ZNF622: variants seen among roughly 807,000 people sequenced by gnomAD.
ZNF622 encodes the protein cytoplasmic 60S subunit biogenesis factor ZNF622.
In ZNF622, 34 loss-of-function variants were observed where a neutral mutation model predicts 49.7. The ratio of observed to expected loss-of-function variants is 0.68; its 90% confidence interval spans 0.52 to 0.91. The LOEUF (loss-of-function observed/expected upper bound fraction) is 0.91. Among genes scored for constraint, ZNF622 ranks in the 40% least tolerant of loss-of-function variants. The pLI is 0.00. For synonymous variants in ZNF622, 209 were observed against 228.7 expected (o/e 0.91, Z 0.78); for missense variants, 569 against 616.4 (o/e 0.92, Z 0.81).
chr5:16,454,915 T>C (rs1738001031), intron 4 of ZNF622, among the ~76,000 whole-genome samples: 1 of 152,202 alleles, frequency 6.6e-6, no homozygotes, highest in Non-Finnish European at 1.5e-5. Flanking sequence ...GGTTTAGAGA[T>C]GACTAATTCC....
chr5:16,456,953 CTCTAAGA>C (rs1286719018), intron 4 of ZNF622, among the ~76,000 whole-genome samples: 1 of 152,032 alleles, frequency 6.6e-6, no homozygotes, highest in Non-Finnish European at 1.5e-5. Flanking sequence ...AGGAAGATCT[CTCTAAGA>C]TCTTTCTAAG....
Position 16,463,619 on chromosome 5 carries a change from G to GGGA in ZNF622, c.746_748dup (p.Ile249_Pro250insLeu). 6.2e-7 allele frequency: 1 copy of GGGA among 1,614,212 alleles called. No individual in the cohort carries two copies. ...GGAACAAAATAAGCAGTCCGTGATA[G>GGGA]GGATGGCACCAAGGGGTGGGCCTTC... On this transcript the variant is annotated inframe_insertion, in exon 2 of 6. Coordinates refer to ENST00000308683, the MANE Select transcript of ZNF622 (RefSeq NM_033414.3). The surrounding 1 kb of genome is among the most constrained non-coding windows in gnomAD (Gnocchi z 4.2).
chr5:16,464,604 C>A (rs981131839), intron 1 of ZNF622, among the ~76,000 whole-genome samples: 115 of 152,282 alleles, frequency 7.6e-4, no homozygotes, highest in African/African-American at 2.7e-3. Flanking sequence ...GCTCCAGCTC[C>A]AAATTTCTGG....
rs976480419 is a variant in ZNF622 at position 16,458,420 on chromosome 5, G to C, written c.1162+97C>G. 4 of 842,340 alleles carry C rather than the reference G, an allele frequency of 4.7e-6. No individual in the cohort carries two copies. The Admixed American group carries it at 6.9e-5, about 15-fold the overall frequency. The allele number at this position is 842,340 out of a possible 1,614,324, so 52.2% of individuals were successfully genotyped here. A position where few individuals can be genotyped will look rare whatever the true frequency, so the allele number is the denominator to read the frequency against. The stretch of plus-strand genomic sequence containing the variant: ...ACCCAAACATATACTTTAAGCTTAT[G>C]GTCTATTTCCCTCAGTATGGAAAGT... On this transcript the variant is annotated intron_variant, in intron 4 of 5. Coordinates refer to ENST00000308683, the MANE Select transcript of ZNF622 (RefSeq NM_033414.3).
Position 16,463,263 on chromosome 5 carries a change from T to G in ZNF622, c.894A>C (p.Lys298Asn). The stretch of plus-strand genomic sequence containing the variant: ...ACAAGCAAATCTTGCCAACACCAAC[T>G]TTCTCTCCTAGAAAAATAATTTAAG... ...IKGLIKYLGE[K>N]VGVGKICLWC... The change falls in exon 3 of 6, where the codon AAA (lysine) becomes AAC (asparagine). Residue 298 changes from lysine to asparagine, a missense_variant. Coordinates refer to ENST00000308683, the MANE Select transcript of ZNF622 (RefSeq NM_033414.3). This position sits in a 1 kb window ranked among gnomAD's most constrained non-coding sequence, Gnocchi z 4.2. 1 of 1,595,474 alleles carries G rather than the reference T, an allele frequency of 6.3e-7. No homozygotes were observed. Among genetic ancestry groups the G allele is most frequent in the Non-Finnish European group, 8.5e-7 (1 of 1,175,540 alleles).
intron 4 of ZNF622, 43 bp downstream of exon 4, chr5:16,458,474 T>C: frequency 7.5e-7 from 1 of 1,339,684 alleles, no homozygotes; most frequent in Non-Finnish European, 1.1e-6. Context: ...TCTCCCTCAA[T>C]CCCACTGGCA....
chr5:16,455,837 G>T (rs1390848973), intron 4 of ZNF622, among the ~76,000 whole-genome samples: 3 of 152,182 alleles, frequency 2.0e-5, no homozygotes, highest in Non-Finnish European at 4.4e-5. Context: ...CCAACAGCTG[G>T]TAAGAAGGAA....
intron 5 of ZNF622, 149 bp downstream of exon 5, chr5:16,452,864 C>A: frequency 2.6e-6 from 2 of 766,846 alleles, no homozygotes; most frequent in Middle Eastern, 8.7e-4. Context: ...TTAAACATAT[C>A]AAGTGGTAAT....
chr5:16,463,284 T>A lies in ZNF622; in HGVS notation c.887-14A>T. 1 of 1,582,014 alleles carries A rather than the reference T, an allele frequency of 6.3e-7. No individual in the cohort carries two copies. The highest frequency in any genetic ancestry group is 8.5e-7 in the Non-Finnish European group (1 of 1,170,116). On this transcript the variant is annotated splice_polypyrimidine_tract_variant and intron_variant, in intron 2 of 5. Coordinates refer to ENST00000308683, the MANE Select transcript of ZNF622 (RefSeq NM_033414.3). This position sits in a 1 kb window ranked among gnomAD's most constrained non-coding sequence, Gnocchi z 4.2. The stretch of plus-strand genomic sequence containing the variant: ...CAACTTTCTCTCCTAGAAAAATAAT[T>A]TAAGGAAAAAATATGAAAAAAGCTT...
chr5:16,456,623 G>C (rs1738030229), intron 4 of ZNF622, among the ~76,000 whole-genome samples: 1 of 152,134 alleles, frequency 6.6e-6, no homozygotes, highest in African/African-American at 2.4e-5. Context: ...AATAAAAGAG[G>C]CACCACACAT....
chr5:16,465,497 C>G lies in ZNF622; in HGVS notation c.169G>C (p.Val57Leu). 1 of 1,614,186 alleles carries G rather than the reference C, an allele frequency of 6.2e-7. No individual in the cohort carries two copies. The highest frequency in any genetic ancestry group is 1.3e-5 in the African/African-American group (1 of 75,078). ...GAGCCCTTGCTCTCCTCCTCCGCGACGGCCCGCTGCGCCCGCACTCGCTCC... is the reference window on the plus strand; with the variant it reads ...GAGCCCTTGCTCTCCTCCTCCGCGAGGGCCCGCTGCGCCCGCACTCGCTCC... Reference protein sequence around the residue: ...FQERVRAQRAVAEEESKGSAT... With the variant: ...FQERVRAQRALAEEESKGSAT... The change falls in exon 1 of 6, where the codon GTC becomes CTC. Residue 57 changes from valine (V) to leucine (L), a missense_variant. By Grantham distance (32) the Val-to-Leu change is conservative. Coordinates refer to ENST00000308683, the MANE Select transcript of ZNF622 (RefSeq NM_033414.3). This position sits in a 1 kb window ranked among gnomAD's most constrained non-coding sequence, Gnocchi z 6.2.
At position 16,453,157 on chromosome 5, in the gene ZNF622, C is replaced by A; in HGVS notation, c.1163-1G>T. On this transcript the variant is annotated splice_acceptor_variant, in intron 4 of 5. Transcript: ENST00000308683. LOFTEE classifies it high-confidence loss of function. ...AAGGAGCGATGACCCACTCTGGCAC[C>A]TGTTTTTCAAAAGAGCAATACTGAA... 1 of 1,494,066 alleles carries A rather than the reference C, an allele frequency of 6.7e-7. No homozygotes were observed. The highest frequency in any genetic ancestry group is 1.3e-5 in the South Asian group (1 of 74,744). 92.6% of individuals were successfully genotyped at this position (1,494,066 alleles called of 1,614,324 possible). A position where few individuals can be genotyped will look rare whatever the true frequency, so the allele number is the denominator to read the frequency against.
chr5:16,465,654 G>A lies in ZNF622; in HGVS notation c.12C>T (p.Tyr4=). 1 of 1,571,728 alleles carries A rather than the reference G, an allele frequency of 6.4e-7. No homozygotes were observed. Among genetic ancestry groups the A allele is most frequent in the Non-Finnish European group, 8.6e-7 (1 of 1,160,110 alleles). MAT[Y]TCITCRVAFR... ...ACGCCACCCGGCAAGTTATGCAGGT[G>A]TACGTCGCCATTGCCAGGCGAGAAA... Residue 4 remains tyrosine (Y), a synonymous_variant, in exon 1 of 6, where the codon TAC becomes TAT. Transcript: ENST00000308683. The surrounding 1 kb of genome is among the most constrained non-coding windows in gnomAD (Gnocchi z 6.2).
At position 16,465,313 on chromosome 5, in the gene ZNF622, A is replaced by G. The variant is rs1230324889; in HGVS notation, c.353T>C (p.Leu118Pro). Reference protein sequence around the residue: ...MMNEKNLEKGLGVDSVDKDAM... With the variant: ...MMNEKNLEKGPGVDSVDKDAM... ...ATCCTTGTCCACACTGTCCACGCCC[A>G]GTCCTTTCTCCAAGTTCTTTTCATT... is the stretch of plus-strand genomic sequence containing the variant. The change falls in exon 1 of 6, where the codon CTG (leucine) becomes CCG (proline). Residue 118 changes from leucine (L) to proline (P), a missense_variant. Transcript: ENST00000308683. This position sits in a 1 kb window ranked among gnomAD's most constrained non-coding sequence, Gnocchi z 6.2. 6.2e-7 allele frequency: 1 copy of G among 1,614,256 alleles called. No homozygotes were observed. The highest frequency in any genetic ancestry group is 8.5e-7 in the Non-Finnish European group (1 of 1,180,044).
Position 16,451,747 on chromosome 5 carries a change from G to C in ZNF622, c.1344C>G (p.Val448=), listed in dbSNP as rs1035717787. ...ALMRERDMQY[V]QRMKSKWMLK... is the part of the protein sequence containing the mutation. ...GCATCCATTTTGATTTCATCCTTTG[G>C]ACATACTGCATGTCTCGCTCTCGCA... Residue 448 remains valine (V), a synonymous_variant, in exon 6 of 6, where the codon GTC becomes GTG. Coordinates refer to ENST00000308683, the MANE Select transcript of ZNF622 (RefSeq NM_033414.3). 6.2e-7 allele frequency: 1 copy of C among 1,613,892 alleles called. No homozygotes were observed. The highest frequency in any genetic ancestry group is 1.3e-5 in the African/African-American group (1 of 74,908).
At chr5:16,457,261 A>C in intron 4 of ZNF622, among the ~76,000 whole-genome samples, 1 of 152,218 alleles carries the variant, frequency 6.6e-6, no homozygotes, top group East Asian at 1.9e-4. Context: ...GGATTGTCTT[A>C]TTCAATTTAC....
chr5:16,461,571 A>G (rs757490919), intron 3 of ZNF622, among the ~76,000 whole-genome samples: 4 of 152,218 alleles, frequency 2.6e-5, no homozygotes, highest in African/African-American at 4.8e-5. Context: ...ATAAAGCAGA[A>G]TTTGGTGATC....
intron 4 of ZNF622, among the ~76,000 whole-genome samples, chr5:16,455,139 A>C (rs1320135445): frequency 6.6e-6 from 1 of 152,232 alleles, no homozygotes; most frequent in Non-Finnish European, 1.5e-5. Flanking sequence ...ATTTCCACTG[A>C]AAATGAATAA....
chr5:16,464,911 A>T, intron 1 of ZNF622, 130 bp downstream of exon 1: 35 of 1,287,738 alleles, frequency 2.7e-5, no homozygotes, highest in Middle Eastern at 2.8e-4. Context: ...AAGCGTCTAA[A>T]CCACCTTCCC....
Sources: gnomAD v4.1 joint callset for allele counts (sites outside exome capture counted in the v4.1 genomes callset) on GRCh38, gnomAD v4.1.1 for gene constraint, Gnocchi (gnomAD v3.1) non-coding constraint, MANE v1.5 for transcripts, NCBI Gene and HGNC (gene_info 2026-07-23, HGNC 2026-07-21) for gene names.